Variants in TMEM144 observed in about 807,000 individuals in gnomAD.
TMEM144 encodes transmembrane protein 144.
In TMEM144, 39 loss-of-function variants were observed where a neutral mutation model predicts 43.6. That is an observed-to-expected ratio of 0.90 (90% confidence interval 0.69 to 1.17). TMEM144 has a LOEUF of 1.17. Ranked by LOEUF, TMEM144 falls within the 50% of genes most tolerant of loss-of-function variation. The pLI, the probability that TMEM144 is intolerant of heterozygous loss-of-function variation, is 0.00. For missense variants in TMEM144, 417 were observed against 411.9 expected, an observed-to-expected ratio of 1.01 and a Z score of -0.11; for synonymous variants, 154 against 133.6, an observed-to-expected ratio of 1.15 and a Z score of -1.06.
At chr4:158,215,092 A>G in intron 3 of TMEM144, 99 bp from the exon 4 acceptor site, 3 of 1,467,626 alleles carry the variant, frequency 2.0e-6, no homozygotes, top group Non-Finnish European at 2.8e-6. Flanking sequence ...GCATTTAATA[A>G]ATTGTGGCCA....
chr4:158,216,686 G>A (rs1734239135), intron 4 of TMEM144, among the ~76,000 whole-genome samples: 1 of 152,072 alleles, frequency 6.6e-6, no homozygotes, highest in Non-Finnish European at 1.5e-5. Context: ...AAATCTTTAG[G>A]GGGTACCTTA....
At chr4:158,242,039 T>C (rs1345219729) in intron 11 of TMEM144, among the ~76,000 whole-genome samples, 2 of 152,228 alleles carry the variant, frequency 1.3e-5, no homozygotes, top group African/African-American at 2.4e-5. Flanking sequence ...TTGTTTCTTG[T>C]TTTGAGTTAG....
chr4:158,218,771 G>A (rs970505768), intron 5 of TMEM144, among the ~76,000 whole-genome samples: 1 of 152,100 alleles, frequency 6.6e-6, no homozygotes, highest in Non-Finnish European at 1.5e-5. Flanking sequence ...GTACTTTTAT[G>A]TATACTAACT....
chr4:158,235,885 T>A (rs1199297142), intron 8 of TMEM144, among the ~76,000 whole-genome samples: 1 of 152,188 alleles, frequency 6.6e-6, no homozygotes, highest in East Asian at 1.9e-4. Flanking sequence ...ATGCCCACCC[T>A]GCTCTGGGAA....
intron 6 of TMEM144, among the ~76,000 whole-genome samples, chr4:158,229,486 G>T (rs1329332907): frequency 6.6e-6 from 1 of 152,116 alleles, no homozygotes; most frequent in Non-Finnish European, 1.5e-5. Flanking sequence ...GTGGCATGGG[G>T]AACAGGACCC....
chr4:158,229,056 A>G (rs1734925506), intron 6 of TMEM144, among the ~76,000 whole-genome samples: 1 of 152,040 alleles, frequency 6.6e-6, no homozygotes, highest in Non-Finnish European at 1.5e-5. Context: ...AGGTAACATA[A>G]CCGGTTAGGC....
At chr4:158,220,190 A>G (rs1734444866) in intron 6 of TMEM144, among the ~76,000 whole-genome samples, 1 of 152,216 alleles carries the variant, frequency 6.6e-6, no homozygotes, top group Non-Finnish European at 1.5e-5. Context: ...ACATTCAGGA[A>G]CAATCTCTTT....
chr4:158,240,458 T>G (rs970271467), intron 10 of TMEM144, 40 bp downstream of exon 10: 2 of 1,562,932 alleles, frequency 1.3e-6, no homozygotes, highest in Non-Finnish European at 1.7e-6. Flanking sequence ...TATATGAAAG[T>G]GTCATCTACA....
chr4:158,247,108 C>A (rs73860322), intron 12 of TMEM144, among the ~76,000 whole-genome samples: 1 of 151,692 alleles, frequency 6.6e-6, no homozygotes, highest in Non-Finnish European at 1.5e-5. Context: ...ATGCAAGGAT[C>A]GTTCATAATA....
Position 158,215,284 on chromosome 4 carries a change from C to T in TMEM144, c.203C>T (p.Ala68Val), listed in dbSNP as rs745414213. The T allele has an allele frequency of 1.2e-6, 2 of 1,613,716 alleles. No individual in the cohort carries two copies. The highest frequency in any genetic ancestry group is 1.7e-6 in the Non-Finnish European group (2 of 1,179,762). Residue 68 changes from alanine (A) to valine (V), a missense_variant, in exon 4 of 13, where the codon GCA (alanine) becomes GTA (valine). Ala to Val is a moderately conservative substitution (Grantham distance 64). Coordinates refer to ENST00000296529, the MANE Select transcript of TMEM144 (RefSeq NM_018342.5). ...ILHCPKFWPF[A>V]MLGGCIWATG... ...CATTGTCCAAAGTTTTGGCCTTTTG[C>T]AATGCTTGGGGGCTGCATTTGGGCA...
intron 6 of TMEM144, 95 bp from the exon 7 acceptor site, chr4:158,232,806 G>A (rs917278463): frequency 2.4e-6 from 2 of 822,012 alleles, no homozygotes; most frequent in Non-Finnish European, 2.0e-6. Flanking sequence ...ATTAGGATCC[G>A]ATTATTTAAG....
Position 158,241,589 on chromosome 4 carries a change from T to G in TMEM144, c.883T>G (p.Phe295Val). 1 of 1,613,926 alleles carries G rather than the reference T, an allele frequency of 6.2e-7. No individual in the cohort carries two copies. The highest frequency in any genetic ancestry group is 1.1e-5 in the South Asian group (1 of 91,076). Residue 295 changes from phenylalanine (F) to valine (V), a missense_variant, in exon 11 of 13, where the codon TTT becomes GTT. By Grantham distance (50) the Phe-to-Val change is conservative. Transcript: ENST00000296529. ...TCACTCTCTGAGTGCTGTGGTCAGTTTTCCAATAATCACTGCTGTAAGTAG... is the reference window on the plus strand; with the variant it reads ...TCACTCTCTGAGTGCTGTGGTCAGTGTTCCAATAATCACTGCTGTAAGTAG... ...ANHSLSAVVS[F>V]PIITAGPGFI...
At chr4:158,253,262 A>T (rs138975310) in intron 12 of TMEM144, among the ~76,000 whole-genome samples, 182 bp from the exon 13 acceptor site, 1 of 152,234 alleles carries the variant, frequency 6.6e-6, no homozygotes, top group African/African-American at 2.4e-5. Context: ...TTATTTACGG[A>T]ATGGGTGAAT....
intron 6 of TMEM144, among the ~76,000 whole-genome samples, chr4:158,224,393 T>C (rs1191013748): frequency 6.6e-6 from 1 of 152,234 alleles, no homozygotes; most frequent in Non-Finnish European, 1.5e-5. Context: ...TCTTTTGCTG[T>C]GCAGAAGCTC....
At chr4:158,227,355 ATTTTTG>A (rs1734827697) in intron 6 of TMEM144, among the ~76,000 whole-genome samples, 1 of 152,104 alleles carries the variant, frequency 6.6e-6, no homozygotes, top group Non-Finnish European at 1.5e-5. Flanking sequence ...TGGGTTAAGG[ATTTTTG>A]ATAGGAAGGC....
intron 12 of TMEM144, among the ~76,000 whole-genome samples, chr4:158,249,887 G>GGTGTGTGTGTGT (rs149144602): frequency 0.029 from 3,927 of 134,398 alleles, 87 homozygotes; most frequent in Non-Finnish European, 0.032. Flanking sequence ...CCTACTGCCA[G>GGTGTGTGTGTGT]GTGTGTGTGT....
chr4:158,228,277 C>T (rs1055539451), intron 6 of TMEM144, among the ~76,000 whole-genome samples: 2 of 150,964 alleles, frequency 1.3e-5, no homozygotes, highest in African/African-American at 4.8e-5. Context: ...AATCAAAGTG[C>T]CGATAAAGGC....
intron 6 of TMEM144, among the ~76,000 whole-genome samples, chr4:158,224,495 G>C (rs1201730028): frequency 1.3e-5 from 2 of 152,122 alleles, no homozygotes; most frequent in African/African-American, 2.4e-5. Flanking sequence ...AAACACATCA[G>C]GTTGGTCATT....
chr4:158,229,052 C>T (rs1734925377), intron 6 of TMEM144, among the ~76,000 whole-genome samples: 1 of 152,086 alleles, frequency 6.6e-6, no homozygotes, highest in Admixed American at 6.5e-5. Context: ...CTATAGGTAA[C>T]ATAACCGGTT....
Sources: gnomAD v4.1 joint callset for allele counts (sites outside exome capture counted in the v4.1 genomes callset) on GRCh38, gnomAD v4.1.1 for gene constraint, MANE v1.5 for transcripts, NCBI Gene and HGNC (gene_info 2026-07-23, HGNC 2026-07-21) for gene names.